KDM2A: variants seen among roughly 807,000 people sequenced by gnomAD.
KDM2A encodes lysine-specific demethylase 2A.
KDM2A carries 3 observed loss-of-function variants against 137.3 expected under a neutral mutation model. The observed-to-expected ratio is 0.02, with a 90% CI of 0.01 to 0.06. The LOEUF (loss-of-function observed/expected upper bound fraction) is 0.06, where lower values mean the gene tolerates loss of function less well. KDM2A is among the 10% of genes least tolerant of loss of function. The pLI is 1.00. For synonymous variants in KDM2A, 512 were observed against 541.5 expected, an observed-to-expected ratio of 0.95 and a Z score of 0.76; for missense variants, 738 against 1,510.6, an observed-to-expected ratio of 0.49 and a Z score of 8.48.
At position 67,255,440 on chromosome 11, in the gene KDM2A, C is replaced by G; in HGVS notation, c.*385C>G. 2 of 460,512 alleles carry G rather than the reference C, an allele frequency of 4.3e-6. No individual in the cohort carries two copies. The highest frequency in any genetic ancestry group is 8.7e-6 in the Non-Finnish European group (2 of 229,724). 28.5% of individuals were successfully genotyped at this position (460,512 alleles called of 1,614,324 possible). A position where few individuals can be genotyped will look rare whatever the true frequency, so the allele number is the denominator to read the frequency against. On this transcript the variant is annotated 3_prime_UTR_variant, in exon 21 of 21. Transcript: ENST00000529006. The stretch of plus-strand genomic sequence containing the variant: ...GTCCCCAGCAGTGCCTGGTTCTGAG[C>G]AAACTCCCAGGGAAGAAAACGGCCC...
At chr11:67,207,129 G>A (rs1325821169) in intron 5 of KDM2A, among the ~76,000 whole-genome samples, 1 of 152,178 alleles carries the variant, frequency 6.6e-6, no homozygotes, top group East Asian at 1.9e-4. Context: ...CAGTAAGTAA[G>A]AGCTTGACTC....
At chr11:67,133,559 C>T (rs943978355) in intron 2 of KDM2A, among the ~76,000 whole-genome samples, 8 of 152,026 alleles carry the variant, frequency 5.3e-5, no homozygotes, top group Admixed American at 2.0e-4. Flanking sequence ...CCCACCACCA[C>T]GCCCGGCCAA....
At chr11:67,125,805 G>A (rs945088403) in intron 2 of KDM2A, among the ~76,000 whole-genome samples, 7 of 151,442 alleles carry the variant, frequency 4.6e-5, no homozygotes, top group South Asian at 2.1e-4. Flanking sequence ...TTAGCCGGGC[G>A]TGGTGTAGGG....
At chr11:67,244,775 G>A (rs1417625841) in intron 13 of KDM2A, among the ~76,000 whole-genome samples, 1 of 152,100 alleles carries the variant, frequency 6.6e-6, no homozygotes, top group Admixed American at 6.5e-5. Flanking sequence ...CACGAGGTCA[G>A]GAGATTGAGA....
At chr11:67,207,120 A>G (rs1438985416) in intron 5 of KDM2A, among the ~76,000 whole-genome samples, 1 of 152,234 alleles carries the variant, frequency 6.6e-6, no homozygotes, top group Non-Finnish European at 1.5e-5. Context: ...AGTATAGATC[A>G]GTAAGTAAGA....
At position 67,233,309 on chromosome 11, in the gene KDM2A, A is replaced by G. The variant is rs369453382; in HGVS notation, c.1479+1349A>G. ...CAAGGTGGGAGGATCACCTGAGGTC[A>G]GGAGTTCGAGACCAGCCTGGCCAAC... On this transcript the variant is annotated intron_variant, in intron 12 of 20. Transcript: ENST00000529006. Among the ~76,000 whole-genome samples the G allele has an allele frequency of 5.4e-5, 8 of 148,334 alleles. No individual in the cohort carries two copies. In the East Asian group the frequency reaches 1.8e-3, roughly 33 times the overall value.
At chr11:67,237,857 G>A (rs758453217) in intron 12 of KDM2A, among the ~76,000 whole-genome samples, 6 of 151,648 alleles carry the variant, frequency 4.0e-5, no homozygotes, top group Non-Finnish European at 8.8e-5. Flanking sequence ...TGAGGTCTAG[G>A]CTGTAGTAAG....
Position 67,229,641 on chromosome 11 carries a change from C to T in KDM2A, c.1084+1478C>T, listed in dbSNP as rs965195432. On this transcript the variant is annotated intron_variant, in intron 11 of 20. Coordinates refer to ENST00000529006, the MANE Select transcript of KDM2A (RefSeq NM_012308.3). ...ATCCCAGCACTTTGGGAGGCTGAGG[C>T]GGGCGGATCATGAGGTCAGGAGTTC... is the stretch of plus-strand genomic sequence containing the variant. 4.0e-5 allele frequency among the ~76,000 whole-genome samples: 6 copies of T among 148,732 alleles called. 1 individual carries two copies. The highest frequency in any genetic ancestry group is 1.2e-4 in the African/African-American group (5 of 40,314).
At chr11:67,202,552 C>T (rs1420402055) in intron 5 of KDM2A, among the ~76,000 whole-genome samples, 4 of 151,890 alleles carry the variant, frequency 2.6e-5, no homozygotes, top group African/African-American at 2.4e-5. Flanking sequence ...GCGGGTGGAT[C>T]ACAAGGTCAG....
At chr11:67,163,268 A>G (rs991700229) in intron 2 of KDM2A, among the ~76,000 whole-genome samples, 4 of 152,170 alleles carry the variant, frequency 2.6e-5, no homozygotes, top group African/African-American at 9.7e-5. Flanking sequence ...CTCAAATAAC[A>G]TCTTGCAGAG....
At position 67,257,994 on chromosome 11, in the gene KDM2A, CT is replaced by C. The variant is rs1206357838; in HGVS notation, c.*2940del. 6.6e-6 allele frequency: 1 copy of C among 152,058 alleles called. No individual in the cohort carries two copies. The highest frequency in any genetic ancestry group is 1.5e-5 in the Non-Finnish European group (1 of 68,012). 9.4% of individuals were successfully genotyped at this position (152,058 alleles called of 1,614,324 possible). ...TTTAAAAGACAAAAAAAGAAATAGC[CT>C]CCAATGGGAAATATTTTAATTTAGG... On this transcript the variant is annotated 3_prime_UTR_variant, in exon 21 of 21. Coordinates refer to ENST00000529006, the MANE Select transcript of KDM2A (RefSeq NM_012308.3).
chr11:67,172,942 GA>G (rs892694540), intron 2 of KDM2A, among the ~76,000 whole-genome samples: 11 of 151,690 alleles, frequency 7.3e-5, no homozygotes, highest in African/African-American at 2.4e-4. Context: ...AAAAAGAAAA[GA>G]AAAAAATTAT....
At chr11:67,147,219 C>G (rs541544249) in intron 2 of KDM2A, among the ~76,000 whole-genome samples, 2 of 152,126 alleles carry the variant, frequency 1.3e-5, no homozygotes, top group South Asian at 4.1e-4. Context: ...ATCTTTTGTG[C>G]CACTCTGGGA....
At chr11:67,135,620 T>G (rs1855955782) in intron 2 of KDM2A, among the ~76,000 whole-genome samples, 1 of 152,232 alleles carries the variant, frequency 6.6e-6, no homozygotes, top group Non-Finnish European at 1.5e-5. Flanking sequence ...GAGAGTGACC[T>G]CAAGATAATA....
At chr11:67,248,925 C>T (rs965371154) in intron 16 of KDM2A, among the ~76,000 whole-genome samples, 5 of 152,174 alleles carry the variant, frequency 3.3e-5, no homozygotes, top group Admixed American at 6.5e-5. Context: ...AGGTTGCTGA[C>T]CAGTGGTTGC....
At position 67,245,152 on chromosome 11, in the gene KDM2A, A is replaced by G. The variant is rs955194422; in HGVS notation, c.1564-37A>G. On this transcript the variant is annotated intron_variant, in intron 13 of 20. Coordinates refer to ENST00000529006, the MANE Select transcript of KDM2A (RefSeq NM_012308.3). This position sits in a 1 kb window ranked among gnomAD's most constrained non-coding sequence, Gnocchi z 4.1. ...TTCTACCCTATCCAGTCTTAAAGCA[A>G]CCTGATATATTTGACCTCACTGCTT... is the stretch of plus-strand genomic sequence containing the variant. The G allele has an allele frequency of 6.9e-6, 11 of 1,604,284 alleles. No individual in the cohort carries two copies. The highest frequency in any genetic ancestry group is 1.7e-5 in the Admixed American group (1 of 59,772).
intron 5 of KDM2A, among the ~76,000 whole-genome samples, chr11:67,194,384 T>C (rs369702637): frequency 6.6e-6 from 1 of 152,218 alleles, no homozygotes; most frequent in South Asian, 2.1e-4. Context: ...GATAAAAGTC[T>C]TTCTGAGGCG....
At chr11:67,216,597 A>G (rs569829364) in intron 8 of KDM2A, among the ~76,000 whole-genome samples, 51 of 152,382 alleles carry the variant, frequency 3.3e-4, no homozygotes, top group Non-Finnish European at 6.2e-4. Flanking sequence ...AGTAGGAACT[A>G]GAATGAGAAT....
intron 2 of KDM2A, among the ~76,000 whole-genome samples, chr11:67,178,382 G>A (rs1857015604): frequency 1.3e-5 from 2 of 152,260 alleles, no homozygotes; most frequent in Middle Eastern, 3.4e-3. Flanking sequence ...TCCAGCCTGC[G>A]CGACAGAGCA....
Sources: allele counts gnomAD v4.1 joint callset (sites outside exome capture counted in the v4.1 genomes callset), GRCh38; gene constraint gnomAD v4.1.1; non-coding constraint Gnocchi (gnomAD v3.1); transcripts MANE v1.5; gene names NCBI Gene and HGNC (gene_info 2026-07-23, HGNC 2026-07-21).